The following PRKG1 variants were observed in gnomAD, a reference collection of about 807,000 sequenced individuals.
PRKG1 encodes the protein protein kinase cGMP-dependent 1.
In PRKG1, 35 loss-of-function variants were observed where a neutral mutation model predicts 88.1. The observed-to-expected ratio is 0.40, with a 90% CI of 0.30 to 0.53. The LOEUF (loss-of-function observed/expected upper bound fraction) is 0.53. Ranked by LOEUF, PRKG1 falls within the 20% of genes least tolerant of loss-of-function variation. PRKG1 has a pLI of 0.59. For synonymous variants in PRKG1, 303 were observed against 292.5 expected, an observed-to-expected ratio of 1.04 and a Z score of -0.37; for missense variants, 540 against 839.8, an observed-to-expected ratio of 0.64 and a Z score of 4.41.
intron 3 of PRKG1, among the ~76,000 whole-genome samples, chr10:51,719,947 A>T (rs1475979349): frequency 2.0e-5 from 3 of 152,164 alleles, no homozygotes; most frequent in Non-Finnish European, 4.4e-5. Flanking sequence ...ATGAGAGATG[A>T]TAACTGTGCC....
intron 2 of PRKG1, among the ~76,000 whole-genome samples, chr10:51,251,490 C>A (rs544005042): frequency 6.6e-6 from 1 of 151,832 alleles, no homozygotes; most frequent in African/African-American, 2.4e-5. Flanking sequence ...TCCTTTATAT[C>A]TGCATATTTT....
At chr10:52,022,328 G>C (rs1005324033) in intron 5 of PRKG1, among the ~76,000 whole-genome samples, 1 of 152,164 alleles carries the variant, frequency 6.6e-6, no homozygotes, top group African/African-American at 2.4e-5. Flanking sequence ...GTAAGTCACA[G>C]AGCCTCTGTA....
intron 3 of PRKG1, among the ~76,000 whole-genome samples, chr10:51,603,458 G>A (rs1838669930): frequency 6.6e-6 from 1 of 152,178 alleles, no homozygotes; most frequent in Non-Finnish European, 1.5e-5. Flanking sequence ...GAAGAGGATA[G>A]GGAAAGCGCT....
At chr10:52,140,654 A>G (rs567598094) in intron 8 of PRKG1, among the ~76,000 whole-genome samples, 3 of 152,294 alleles carry the variant, frequency 2.0e-5, no homozygotes, top group East Asian at 3.9e-4. Flanking sequence ...CCCCTGAGGA[A>G]TGACAAATCG....
At chr10:51,602,701 C>G (rs1010457521) in intron 3 of PRKG1, among the ~76,000 whole-genome samples, 1 of 149,764 alleles carries the variant, frequency 6.7e-6, no homozygotes, top group East Asian at 2.0e-4. Flanking sequence ...AGACATGAGC[C>G]ACTGCGCCTG....
intron 1 of PRKG1, among the ~76,000 whole-genome samples, chr10:51,085,680 T>G (rs1310825871): frequency 6.6e-6 from 1 of 152,198 alleles, no homozygotes; most frequent in African/African-American, 2.4e-5. Flanking sequence ...AATGTAACTT[T>G]TTTTTCAGTT....
chr10:51,927,232 T>G (rs1280345670), intron 5 of PRKG1, among the ~76,000 whole-genome samples: 1 of 152,182 alleles, frequency 6.6e-6, no homozygotes, highest in East Asian at 1.9e-4. Flanking sequence ...TCTCTCATAC[T>G]GTTCTTGTGG....
At chr10:51,511,240 T>G in intron 3 of PRKG1, among the ~76,000 whole-genome samples, 1 of 152,170 alleles carries the variant, frequency 6.6e-6, no homozygotes, top group Non-Finnish European at 1.5e-5. Flanking sequence ...CAGGCCTGAA[T>G]GCATCATCAA....
At chr10:51,881,411 C>T (rs1337352156) in intron 4 of PRKG1, among the ~76,000 whole-genome samples, 1 of 152,190 alleles carries the variant, frequency 6.6e-6, no homozygotes, top group Non-Finnish European at 1.5e-5. Context: ...CAGCTGTGAG[C>T]TCAGCTGGGG....
intron 1 of PRKG1, among the ~76,000 whole-genome samples, chr10:51,138,455 A>G (rs1383784771): frequency 6.6e-6 from 1 of 152,240 alleles, no homozygotes; most frequent in East Asian, 1.9e-4. Flanking sequence ...CTTTCTGCAA[A>G]GTGGTTTTTT....
chr10:51,859,514 A>G (rs371199377), intron 4 of PRKG1, among the ~76,000 whole-genome samples: 18 of 152,064 alleles, frequency 1.2e-4, no homozygotes, highest in African/African-American at 3.1e-4. Context: ...ACCACATCAA[A>G]AAAAGGAAAA....
chr10:51,752,504 C>A (rs955151858), intron 3 of PRKG1, among the ~76,000 whole-genome samples: 1 of 152,140 alleles, frequency 6.6e-6, no homozygotes, highest in African/African-American at 2.4e-5. Context: ...TTCTTCAAAT[C>A]TGTTATTTAA....
chr10:52,133,569 GAATGATATC>G (rs1837322765), intron 7 of PRKG1, among the ~76,000 whole-genome samples: 1 of 151,982 alleles, frequency 6.6e-6, no homozygotes, highest in African/African-American at 2.4e-5. Context: ...TCCCCAAAGG[GAATGATATC>G]AAATTTGTTC....
intron 4 of PRKG1, among the ~76,000 whole-genome samples, chr10:51,872,715 T>C (rs1379637994): frequency 6.6e-6 from 1 of 152,176 alleles, no homozygotes; most frequent in Non-Finnish European, 1.5e-5. Flanking sequence ...TTTATTTGTC[T>C]CATTAATCAT....
chr10:52,271,001 GT>G (rs1564540099), intron 10 of PRKG1, among the ~76,000 whole-genome samples: 1 of 151,762 alleles, frequency 6.6e-6, no homozygotes, highest in African/African-American at 2.4e-5. Flanking sequence ...TGGAAAAGAA[GT>G]TTTTTTTCTA....
At chr10:51,543,725 T>C (rs540492400) in intron 3 of PRKG1, among the ~76,000 whole-genome samples, 5 of 152,290 alleles carry the variant, frequency 3.3e-5, no homozygotes, top group African/African-American at 1.2e-4. Flanking sequence ...CCTCAGGCTA[T>C]AAAGCCACTT....
intron 5 of PRKG1, among the ~76,000 whole-genome samples, chr10:52,050,485 A>G (rs921747700): frequency 6.6e-6 from 1 of 152,186 alleles, no homozygotes; most frequent in Admixed American, 6.5e-5. Context: ...TGATTAACAT[A>G]ATTAGAGAGC....
At chr10:51,701,736 T>C (rs1468649837) in intron 3 of PRKG1, among the ~76,000 whole-genome samples, 1 of 126,532 alleles carries the variant, frequency 7.9e-6, no homozygotes, top group Non-Finnish European at 1.7e-5. Flanking sequence ...GTGTATTAAA[T>C]GTAGTAATCA....
At chr10:51,852,125 TGA>T (rs1491189625) in intron 4 of PRKG1, among the ~76,000 whole-genome samples, 1 of 149,972 alleles carries the variant, frequency 6.7e-6, no homozygotes, top group Non-Finnish European at 1.5e-5. Flanking sequence ...TATTTACATA[TGA>T]TATATATATA....
Sources: gnomAD v4.1 joint callset for allele counts (sites outside exome capture counted in the v4.1 genomes callset) on GRCh38, gnomAD v4.1.1 for gene constraint, MANE v1.5 for transcripts, NCBI Gene and HGNC (gene_info 2026-07-23, HGNC 2026-07-21) for gene names.